Variants in CCNP observed in about 807,000 individuals in gnomAD.
The protein encoded by CCNP is cyclin P, also known as cyclin-P.
Under a neutral mutation model 19.6 loss-of-function variants are expected in CCNP, and 18 were observed. The ratio of observed to expected loss-of-function variants is 0.92; its 90% CI spans 0.64 to 1.36. The LOEUF is 1.36. Ranked by LOEUF, CCNP falls within the 40% of genes most tolerant of loss-of-function variation. CCNP has a pLI of 0.00. For missense variants in CCNP, 440 were observed against 424.4 expected, an observed-to-expected ratio of 1.04 and a Z score of -0.32; for synonymous variants, 228 against 194.9, an observed-to-expected ratio of 1.17 and a Z score of -1.41.
At position 40,226,465 on chromosome 19, in the gene CCNP, C is replaced by T. The variant is rs1046971934; in HGVS notation, c.177G>A (p.Leu59=). The change falls in exon 1 of 5, where the codon CTG becomes CTA. Residue 59 remains leucine, a synonymous_variant. Coordinates refer to ENST00000430325, the MANE Select transcript of CCNP (RefSeq NM_024877.4). ...PAGPTVSPRR[L]ARPPGLEEAL... is the part of the protein sequence containing the mutation. ...CCTCCTCCAGCCCCGGCGGCCTCGC[C>T]AGGCGTCTTGGGGAGACAGTGGGGC... The T allele has an allele frequency of 6.2e-7, 1 of 1,608,112 alleles. No individual in the cohort carries two copies. The highest frequency in any genetic ancestry group is 1.3e-5 in the African/African-American group (1 of 74,868).
chr19:40,223,618 GC>G, intron 3 of CCNP, 72 bp from the exon 4 acceptor site: 1 of 1,597,982 alleles, frequency 6.3e-7, no homozygotes, highest in Non-Finnish European at 8.6e-7. Context: ...CCCTGGAAAG[GC>G]CCCAAGTTCC....
In CCNP at chr19:40,223,448, G is replaced by T; in HGVS notation, c.612C>A (p.His204Gln). ...CGAGGCACAGCAGCGGGCCGGGGTGGTGCAGCCGGAAATCCAGGCGGCTCA... is the reference window on the plus strand; with the variant it reads ...CGAGGCACAGCAGCGGGCCGGGGTGTTGCAGCCGGAAATCCAGGCGGCTCA... The part of the protein sequence containing the change: ...RILSRLDFRL[H>Q]HPGPLLCLGL... Residue 204 changes from histidine (H) to glutamine (Q), a missense_variant, in exon 4 of 5, where the codon CAC becomes CAA. By Grantham distance (24) the His-to-Gln change is conservative. Coordinates refer to ENST00000430325, the MANE Select transcript of CCNP (RefSeq NM_024877.4). The T allele has an allele frequency of 6.2e-7, 1 of 1,608,890 alleles. No homozygotes were observed. The highest frequency in any genetic ancestry group is 1.7e-5 in the Admixed American group (1 of 59,584).
intron 1 of CCNP, among the ~76,000 whole-genome samples, chr19:40,225,304 C>T (rs553241546): frequency 4.6e-5 from 7 of 152,174 alleles, no homozygotes; most frequent in African/African-American, 1.7e-4. Context: ...GGTGATCCGC[C>T]CACCTCAGCC....
In CCNP at chr19:40,223,120, G is replaced by T. The variant is rs1321113789; in HGVS notation, c.856C>A (p.His286Asn). 6.4e-7 allele frequency: 1 copy of T among 1,551,172 alleles called. No individual in the cohort carries two copies. Among genetic ancestry groups the T allele is most frequent in the African/African-American group, 1.4e-5 (1 of 72,960 alleles). ...CSLGGGSVWG[H>N]RSFRDLPSWS... ...GAAGGTAAGTCCCTGAAGCTGCGGTGACCCCATACACTTCCTCCGCCAAGA... is the reference window on the plus strand; with the variant it reads ...GAAGGTAAGTCCCTGAAGCTGCGGTTACCCCATACACTTCCTCCGCCAAGA... Residue 286 changes from histidine to asparagine, a missense_variant, in exon 5 of 5, where the codon CAC becomes AAC. Transcript: ENST00000430325.
chr19:40,224,186 C>T lies in CCNP; in HGVS notation c.513+302G>A, dbSNP rs187584140. The stretch of plus-strand genomic sequence containing the variant: ...GTCAGGCTGGTCTCAAACTCCTGAT[C>T]TCAAGTGATCTGCCGGTTTCAGCCT... On this transcript the variant is annotated intron_variant, in intron 3 of 4. Transcript: ENST00000430325. Among the ~76,000 whole-genome samples, 721 of 152,236 alleles carry T rather than the reference C, an allele frequency of 4.7e-3. 5 individuals carry two copies. The highest frequency in any genetic ancestry group is 0.01 in the Middle Eastern group (3 of 294).
rs370943753 is a variant in CCNP at position 40,224,696 on chromosome 19, C to T, written c.357+26G>A. 3.2e-4 allele frequency: 518 copies of T among 1,606,486 alleles called. 1 individual carries two copies. Among genetic ancestry groups the T allele is most frequent in the Non-Finnish European group, 4.2e-4 (491 of 1,176,850 alleles). ...GTCCTGGGCGGCGACGCAAACTCAG[C>T]CCCCCACACCCTTCCAGATACCTAC... On this transcript the variant is annotated intron_variant, in intron 2 of 4. Coordinates refer to ENST00000430325, the MANE Select transcript of CCNP (RefSeq NM_024877.4).
Position 40,226,688 on chromosome 19 carries a change from C to T in CCNP, c.-47G>A, listed in dbSNP as rs11671259. 7 of 1,484,168 alleles carry T rather than the reference C, an allele frequency of 4.7e-6. No homozygotes were observed. The highest frequency in any genetic ancestry group is 5.4e-6 in the Non-Finnish European group (6 of 1,118,708). The allele number at this position is 1,484,168 out of a possible 1,614,324, so 91.9% of individuals were successfully genotyped here. A position where few individuals can be genotyped will look rare whatever the true frequency, so the allele number is the denominator to read the frequency against. On this transcript the variant is annotated 5_prime_UTR_variant, in exon 1 of 5. Coordinates refer to ENST00000430325, the MANE Select transcript of CCNP (RefSeq NM_024877.4). ...CGAGGCCAAGCACCGACCCTTGCAG[C>T]TAGGGGAAGAGACGCGCGGCGGGCG...
chr19:40,223,239 T>C lies in CCNP; in HGVS notation c.737A>G (p.Glu246Gly), dbSNP rs1441831422. Residue 246 changes from glutamate (E) to glycine (G), a missense_variant, in exon 5 of 5, where the codon GAG becomes GGG. Physicochemically the swap from Glu to Gly is moderately conservative, Grantham distance 98 (BLOSUM62 -2). Coordinates refer to ENST00000430325, the MANE Select transcript of CCNP (RefSeq NM_024877.4). ...AGCCGCAGCCGCACGACGACCCGGC[T>C]CCCATCCCGCCGCCTCGGCCTCCAG... ...SLLEAEAAGW[E>G]PGRRAAAALS... 6.5e-7 allele frequency: 1 copy of C among 1,546,136 alleles called. No homozygotes were observed. The highest frequency in any genetic ancestry group is 2.5e-5 in the East Asian group (1 of 40,764).
In CCNP at chr19:40,223,300, T is replaced by C. The variant is rs547688635; in HGVS notation, c.676A>G (p.Met226Val). 1 of 1,520,760 alleles carries C rather than the reference T, an allele frequency of 6.6e-7. No individual in the cohort carries two copies. Among genetic ancestry groups the C allele is most frequent in the East Asian group, 2.5e-5 (1 of 40,436 alleles). 94.2% of individuals were successfully genotyped at this position (1,520,760 alleles called of 1,614,324 possible). A position where few individuals can be genotyped will look rare whatever the true frequency, so the allele number is the denominator to read the frequency against. Residue 226 changes from methionine (M) to valine (V), a missense_variant, in exon 5 of 5, where the codon ATG (methionine) becomes GTG (valine). Met to Val is a conservative substitution (Grantham distance 21). Transcript: ENST00000430325. ...TCCAGGAAGTAGGTGGCAAGTAACA[T>C]CACCTGCAAGTGAGGCGGGGCGACT... ...AALAGSSPQV[M>V]LLATYFLELS...
At chr19:40,223,676 TG>T (rs762748330) in intron 3 of CCNP, 130 bp from the exon 4 acceptor site, 49 of 1,358,534 alleles carry the variant, frequency 3.6e-5, no homozygotes, top group Non-Finnish European at 5.0e-5. Context: ...GACTTGTGTC[TG>T]GAAGTCGTAG....
intron 3 of CCNP, 83 bp downstream of exon 3, chr19:40,224,405 C>T: frequency 5.4e-6 from 8 of 1,483,952 alleles, no homozygotes; most frequent in African/African-American, 1.4e-5. Context: ...AGACTCAGCA[C>T]GGTGCTTGGC....
intron 1 of CCNP, chr19:40,225,021 C>T (rs1973520465): frequency 7.1e-6 from 4 of 560,830 alleles, no homozygotes; most frequent in South Asian, 7.0e-5. Context: ...CTCTCCGCCA[C>T]GTGGACTCCT....
In CCNP at chr19:40,226,356, A is replaced by G. The variant is rs1355897783; in HGVS notation, c.267+19T>C. 1.9e-5 allele frequency: 31 copies of G among 1,601,726 alleles called. No individual in the cohort carries two copies. The highest frequency in any genetic ancestry group is 2.6e-5 in the Non-Finnish European group (31 of 1,178,058). On this transcript the variant is annotated intron_variant, in intron 1 of 4. Transcript: ENST00000430325. ...GGGCCGGCGTCGCCCTCACCAGGGC[A>G]GGCGGCGGGTAGGCTCACCATGACT...
chr19:40,226,597 C>A lies in CCNP; in HGVS notation c.45G>T (p.Gly15=), dbSNP rs546702802. The A allele has an allele frequency of 8.0e-5, 126 of 1,577,878 alleles. No individual in the cohort carries two copies. Among genetic ancestry groups the A allele is most frequent in the Non-Finnish European group, 1.0e-4 (117 of 1,163,630 alleles). The change falls in exon 1 of 5, where the codon GGG becomes GGT. Residue 15 remains glycine (G), a synonymous_variant. Transcript: ENST00000430325. ...TGGGGGCCCAGCGCCTAACGATAGG[C>A]CCGAGCCGGGAGCCGGACCCCTGGT... ...GRDQGSGSRL[G]PIVRRWAPRP...
chr19:40,225,060 C>A (rs1973521042), intron 1 of CCNP: 4 of 422,454 alleles, frequency 9.5e-6, no homozygotes, highest in East Asian at 7.7e-5. Flanking sequence ...TCCCAGACTT[C>A]ACTTTTTTTT....
At position 40,224,533 on chromosome 19, in the gene CCNP, A is replaced by G; in HGVS notation, c.468T>C (p.Ala156=). ...RLHRLQLLGV[A]CLFVACKMEE... is the part of the protein sequence containing the mutation. ...CCATTTTGCACGCCACAAACAGGCA[A>G]GCCACGCCCAGCAGCTGCAGGCGAT... The change falls in exon 3 of 5, where the codon GCT becomes GCC. Residue 156 remains alanine (A), a synonymous_variant. Coordinates refer to ENST00000430325, the MANE Select transcript of CCNP (RefSeq NM_024877.4). The G allele has an allele frequency of 6.2e-7, 1 of 1,614,252 alleles. No homozygotes were observed. The highest frequency in any genetic ancestry group is 8.5e-7 in the Non-Finnish European group (1 of 1,180,046).
Position 40,226,558 on chromosome 19 carries a change from C to A in CCNP, c.84G>T (p.Leu28Phe). ...VRRWAPRPSP[L>F]QSLAASLDAE... ...CGTCGAGGGAGGCAGCGAGACTCTG[C>A]AAAGGAGAGGGCCTGGGGGCCCAGC... The change falls in exon 1 of 5, where the codon TTG (leucine) becomes TTT (phenylalanine). Residue 28 changes from leucine to phenylalanine, a missense_variant. Coordinates refer to ENST00000430325, the MANE Select transcript of CCNP (RefSeq NM_024877.4). 1 of 1,580,100 alleles carries A rather than the reference C, an allele frequency of 6.3e-7. No homozygotes were observed. Among genetic ancestry groups the A allele is most frequent in the Non-Finnish European group, 8.6e-7 (1 of 1,165,702 alleles).
At chr19:40,226,278 G>A (rs1335651889) in intron 1 of CCNP, 97 bp downstream of exon 1, 5 of 1,068,924 alleles carry the variant, frequency 4.7e-6, no homozygotes, top group Non-Finnish European at 6.8e-6. Flanking sequence ...TGATAGGGAG[G>A]AGAGGCTGGA....
At chr19:40,225,762 C>A (rs1038783570) in intron 1 of CCNP, among the ~76,000 whole-genome samples, 1 of 152,242 alleles carries the variant, frequency 6.6e-6, no homozygotes, top group Non-Finnish European at 1.5e-5. Context: ...AGCATTTTCA[C>A]TGTGAAGATG....
Sources: allele counts gnomAD v4.1 joint callset (sites outside exome capture counted in the v4.1 genomes callset), GRCh38; gene constraint gnomAD v4.1.1; transcripts MANE v1.5; gene names NCBI Gene and HGNC (gene_info 2026-07-23, HGNC 2026-07-21).